Variants in ADCY1 observed in about 807,000 individuals in gnomAD.
The protein encoded by ADCY1 is adenylate cyclase 1.
In ADCY1, 28 loss-of-function variants were observed where a neutral mutation model predicts 105.4. That is an observed-to-expected ratio of 0.27 (90% CI 0.20 to 0.36). ADCY1 has a LOEUF of 0.36. Ranked by LOEUF, ADCY1 falls within the 10% of genes least tolerant of loss-of-function variation. The probability of loss-of-function intolerance (pLI) is 1.00; values close to 1 mark genes in which losing one functional copy is unlikely to be tolerated. For missense variants in ADCY1, 977 were observed against 1,434.2 expected, an observed-to-expected ratio of 0.68 and a Z score of 5.15; for synonymous variants, 655 against 623.8, an observed-to-expected ratio of 1.05 and a Z score of -0.75.
intron 19 of ADCY1, among the ~76,000 whole-genome samples, chr7:45,713,363 C>T (rs1455474034): frequency 1.3e-5 from 2 of 152,210 alleles, no homozygotes; most frequent in Admixed American, 1.3e-4. Context: ...TGGGTGCTTC[C>T]TGGGCCACCC....
chr7:45,617,547 A>G (rs1288416265), intron 3 of ADCY1, among the ~76,000 whole-genome samples: 1 of 152,246 alleles, frequency 6.6e-6, no homozygotes. Flanking sequence ...AATGAATTCA[A>G]TCAAGTTGGA....
At chr7:45,668,978 C>A (rs1189334778) in intron 8 of ADCY1, among the ~76,000 whole-genome samples, 1 of 152,016 alleles carries the variant, frequency 6.6e-6, no homozygotes, top group African/African-American at 2.4e-5. Context: ...GTGGTGATAT[C>A]CTCTTTATCA....
chr7:45,716,350 C>T lies in ADCY1; in HGVS notation c.*2355C>T, dbSNP rs965470195. On this transcript the variant is annotated 3_prime_UTR_variant, in exon 20 of 20. Coordinates refer to ENST00000297323, the MANE Select transcript of ADCY1 (RefSeq NM_021116.4). ...ACCTCTCCTCCAGGCCCTGCCTTGT[C>T]CCTGCTCCTGTGCTTTCCTCTCTTC... The T allele has an allele frequency of 6.5e-6, 1 of 153,098 alleles. No individual in the cohort carries two copies. The highest frequency in any genetic ancestry group is 2.4e-5 in the African/African-American group (1 of 41,474). The allele number at this position is 153,098 out of a possible 1,614,324, so 9.5% of individuals were successfully genotyped here.
intron 8 of ADCY1, among the ~76,000 whole-genome samples, chr7:45,670,790 C>T (rs1784350023): frequency 6.6e-6 from 1 of 152,034 alleles, no homozygotes; most frequent in South Asian, 2.1e-4. Flanking sequence ...TTGTGTGGAT[C>T]TGCCCCAACT....
intron 10 of ADCY1, among the ~76,000 whole-genome samples, chr7:45,679,491 C>A (rs921580305): frequency 6.6e-6 from 1 of 152,134 alleles, no homozygotes; most frequent in African/African-American, 2.4e-5. Context: ...TCAGGAGGGG[C>A]CCCCTTCTTA....
At chr7:45,682,368 A>G (rs531173282) in intron 11 of ADCY1, among the ~76,000 whole-genome samples, 57 of 152,244 alleles carry the variant, frequency 3.7e-4, no homozygotes, top group African/African-American at 1.2e-3. Context: ...TTTTTCTGTC[A>G]GGGTTGCAGG....
At chr7:45,695,342 T>C (rs1451533566) in intron 14 of ADCY1, among the ~76,000 whole-genome samples, 1 of 152,334 alleles carries the variant, frequency 6.6e-6, no homozygotes, top group Admixed American at 6.5e-5. Flanking sequence ...AACTGGTCAT[T>C]ATCCCCATGT....
intron 2 of ADCY1, among the ~76,000 whole-genome samples, chr7:45,609,621 G>A (rs1215530930): frequency 1.3e-5 from 2 of 152,076 alleles, no homozygotes; most frequent in Non-Finnish European, 2.9e-5. Context: ...GGGATGAGTC[G>A]GGGACCCTCA....
intron 8 of ADCY1, among the ~76,000 whole-genome samples, chr7:45,672,874 G>A (rs1005542078): frequency 1.3e-5 from 2 of 152,074 alleles, no homozygotes; most frequent in African/African-American, 4.8e-5. Context: ...CCAACATCTT[G>A]TATTTTATCC....
rs892051234 is a variant in ADCY1, at chr7:45,591,091, C to T, written c.640-1668C>T. Among the ~76,000 whole-genome samples, 3 of 152,158 alleles carry T rather than the reference C, an allele frequency of 2.0e-5. No individual in the cohort carries two copies. Among genetic ancestry groups the T allele is most frequent in the African/African-American group, 4.8e-5 (2 of 41,418 alleles). On this transcript the variant is annotated intron_variant, in intron 1 of 19. Transcript: ENST00000297323. The surrounding 1 kb of genome is among the most constrained non-coding windows in gnomAD (Gnocchi z 4.1). ...ATGTTGTTTCCAGATTGCATGTGAC[C>T]GTTGGTCCTAGGTTTGTTTTCCAGC...
In ADCY1 at chr7:45,710,475, G is replaced by C; in HGVS notation, c.2933-53G>C. The C allele has an allele frequency of 6.3e-7, 1 of 1,589,132 alleles. No individual in the cohort carries two copies. Among genetic ancestry groups the C allele is most frequent in the Non-Finnish European group, 8.6e-7 (1 of 1,165,784 alleles). On this transcript the variant is annotated intron_variant, in intron 18 of 19. Transcript: ENST00000297323. The surrounding 1 kb of genome is among the most constrained non-coding windows in gnomAD (Gnocchi z 4.7). ...CAGGTGCATTTGGTGGCCCTGGTGG[G>C]GTGAGTTACACTTTTCCCGCTGATG... is the stretch of plus-strand genomic sequence containing the variant.
intron 4 of ADCY1, among the ~76,000 whole-genome samples, chr7:45,641,932 C>A (rs868402781): frequency 1.4e-3 from 52 of 36,392 alleles, no homozygotes; most frequent in East Asian, 5.3e-3. Context: ...GACTCCGTCT[C>A]AAAAAAAAAA....
At chr7:45,682,151 G>A (rs1390207113) in intron 11 of ADCY1, among the ~76,000 whole-genome samples, 2 of 152,200 alleles carry the variant, frequency 1.3e-5, no homozygotes, top group African/African-American at 4.8e-5. Context: ...AGCAGAGCCT[G>A]GCACAGCACA....
chr7:45,711,964 TAA>T (rs1169208265), intron 19 of ADCY1, among the ~76,000 whole-genome samples: 5 of 85,404 alleles, frequency 5.9e-5, no homozygotes, highest in Admixed American at 5.6e-4. Context: ...ATTAAATATA[TAA>T]ATACATATTA....
At chr7:45,631,628 T>G (rs1238576712) in intron 4 of ADCY1, among the ~76,000 whole-genome samples, 1 of 152,246 alleles carries the variant, frequency 6.6e-6, no homozygotes, top group Admixed American at 6.5e-5. Flanking sequence ...AAGCATTAGA[T>G]GCAATTATCA....
At position 45,637,597 on chromosome 7, in the gene ADCY1, T is replaced by C. The variant is rs531617095; in HGVS notation, c.1021-11073T>C. Reference sequence around the variant, plus strand: ...AAACTTAACTGGGTGTGGTGGCACATACCTGTAGTCCTACTTATTTGGGAG... The same window carrying C: ...AAACTTAACTGGGTGTGGTGGCACACACCTGTAGTCCTACTTATTTGGGAG... On this transcript the variant is annotated intron_variant, in intron 4 of 19. Coordinates refer to ENST00000297323, the MANE Select transcript of ADCY1 (RefSeq NM_021116.4). Among the ~76,000 whole-genome samples the C allele has an allele frequency of 1.1e-4, 16 of 152,182 alleles. No individual in the cohort carries two copies. In the South Asian group the frequency reaches 2.9e-3, roughly 28 times the overall value.
At chr7:45,682,952 T>C (rs576467161) in intron 11 of ADCY1, among the ~76,000 whole-genome samples, 7 of 152,312 alleles carry the variant, frequency 4.6e-5, no homozygotes, top group African/African-American at 1.7e-4. Flanking sequence ...GGCTTCATTC[T>C]AGCCCCTGTG....
At chr7:45,680,570 A>G (rs1784537255) in intron 11 of ADCY1, 1 of 152,220 alleles carries the variant, frequency 6.6e-6, no homozygotes, top group Non-Finnish European at 1.5e-5. Context: ...GATTAAATCT[A>G]GTTTCATTCA....
chr7:45,721,766 T>C lies in ADCY1; in HGVS notation c.*7771T>C. 1 of 398,622 alleles carries C rather than the reference T, an allele frequency of 2.5e-6. No individual in the cohort carries two copies. The highest frequency in any genetic ancestry group is 4.4e-6 in the Non-Finnish European group (1 of 226,076). The allele number at this position is 398,622 out of a possible 1,614,324, so 24.7% of individuals were successfully genotyped here. A position where few individuals can be genotyped will look rare whatever the true frequency, so the allele number is the denominator to read the frequency against. On this transcript the variant is annotated 3_prime_UTR_variant, in exon 20 of 20. Coordinates refer to ENST00000297323, the MANE Select transcript of ADCY1 (RefSeq NM_021116.4). The stretch of plus-strand genomic sequence containing the variant: ...GGCTTATGATGGATGGTGAGAGATT[T>C]GACAACCACCAGAGCACATGTGCTC...
Sources: gnomAD v4.1 joint callset for allele counts (sites outside exome capture counted in the v4.1 genomes callset) on GRCh38, gnomAD v4.1.1 for gene constraint, Gnocchi (gnomAD v3.1) non-coding constraint, MANE v1.5 for transcripts, NCBI Gene and HGNC (gene_info 2026-07-23, HGNC 2026-07-21) for gene names.